LMNB2: variants seen among roughly 807,000 people sequenced by gnomAD.
The protein encoded by LMNB2 is lamin-B2.
A neutral mutation model predicts 69.3 loss-of-function variants in LMNB2; 17 were observed. The ratio of observed to expected loss-of-function variants is 0.25; its 90% CI spans 0.17 to 0.37. The LOEUF is 0.37. LMNB2 is among the 10% of genes least tolerant of loss of function. The pLI, the probability that LMNB2 is intolerant of heterozygous loss-of-function variation, is 1.00. For missense variants in LMNB2, 789 were observed against 883.6 expected, an observed-to-expected ratio of 0.89 and a Z score of 1.36; for synonymous variants, 397 against 389.3, an observed-to-expected ratio of 1.02 and a Z score of -0.23.
At chr19:2,456,566 G>T in intron 1 of LMNB2, 104 bp downstream of exon 1, 1 of 1,183,508 alleles carries the variant, frequency 8.4e-7, no homozygotes, top group Non-Finnish European at 1.1e-6. Context: ...GCCGGGGCCC[G>T]TCCCCGTCTG....
chr19:2,441,451 T>C (rs1971899704), intron 2 of LMNB2, among the ~76,000 whole-genome samples: 1 of 152,170 alleles, frequency 6.6e-6, no homozygotes, highest in Non-Finnish European at 1.5e-5. Flanking sequence ...ATGGAGCAGA[T>C]CTCCAGCAGG....
intron 1 of LMNB2, among the ~76,000 whole-genome samples, chr19:2,448,809 T>C (rs900941799): frequency 3.3e-5 from 5 of 152,132 alleles, no homozygotes; most frequent in African/African-American, 7.2e-5. Flanking sequence ...GATTGGGCCA[T>C]TGCACTCCAG....
rs1018038584 is a variant in LMNB2 at position 2,430,407 on chromosome 19, C to T, written c.*504G>A. 4 of 221,512 alleles carry T rather than the reference C, an allele frequency of 1.8e-5. No homozygotes were observed. The highest frequency in any genetic ancestry group is 2.7e-5 in the Non-Finnish European group (3 of 109,652). The allele number at this position is 221,512 out of a possible 1,614,324, so 13.7% of individuals were successfully genotyped here. A position where few individuals can be genotyped will look rare whatever the true frequency, so the allele number is the denominator to read the frequency against. ...TGGCCCACACCCGCTGCGTGGCTGC[C>T]TGAGGAGTTCCCGCTGTCCGAAGCT... On this transcript the variant is annotated 3_prime_UTR_variant, in exon 12 of 12. Coordinates refer to ENST00000325327, the MANE Select transcript of LMNB2 (RefSeq NM_032737.4).
chr19:2,446,028 TCACC>T, intron 1 of LMNB2, among the ~76,000 whole-genome samples: 1 of 60,026 alleles, frequency 1.7e-5, no homozygotes. Flanking sequence ...CCCCCACCTT[TCACC>T]CCTCAATCAC....
At chr19:2,440,737 CATCT>C (rs1028148438) in intron 2 of LMNB2, among the ~76,000 whole-genome samples, 7 of 151,686 alleles carry the variant, frequency 4.6e-5, no homozygotes, top group Admixed American at 6.6e-5. Flanking sequence ...TCCATCCATC[CATCT>C]ATCCACTCAT....
At chr19:2,452,913 ATGGGTCATCCTCATGGGG>A (rs1972042607) in intron 1 of LMNB2, among the ~76,000 whole-genome samples, 1 of 52,084 alleles carries the variant, frequency 1.9e-5, no homozygotes, top group Non-Finnish European at 4.0e-5. Flanking sequence ...CTCGTGGGGG[ATGGGTCATCCTCATGGGG>A]GCTGCGTCAT....
rs1259438025 is a variant in LMNB2, at chr19:2,432,419, G to T, written c.1587C>A (p.Val529=). The change falls in exon 9 of 12, where the codon GTC becomes GTA. Residue 529 remains valine, a synonymous_variant. Transcript: ENST00000325327. ...PKYILRAGQM[V]TVWAAGAGVA... ...GCCCTCCTGCCCCACCACCTACCGT[G>T]ACCATCTGGCCGGCGCGCAGGATGT... 6.2e-7 allele frequency: 1 copy of T among 1,611,552 alleles called. No individual in the cohort carries two copies. The highest frequency in any genetic ancestry group is 8.5e-7 in the Non-Finnish European group (1 of 1,179,696).
At position 2,430,768 on chromosome 19, in the gene LMNB2, G is replaced by A. The variant is rs1388237040; in HGVS notation, c.*143C>T. 4.1e-6 allele frequency: 3 copies of A among 733,882 alleles called. No homozygotes were observed. The highest frequency in any genetic ancestry group is 2.0e-5 in the Admixed American group (1 of 50,892). The allele number at this position is 733,882 out of a possible 1,614,324, so 45.5% of individuals were successfully genotyped here. On this transcript the variant is annotated 3_prime_UTR_variant, in exon 12 of 12. Transcript: ENST00000325327. ...TGGAGGAGACCCGCCAGGAGGGAGGGCTGGGGGAGACCCACCCACACGTTC... is the reference window on the plus strand; with the variant it reads ...TGGAGGAGACCCGCCAGGAGGGAGGACTGGGGGAGACCCACCCACACGTTC...
chr19:2,440,046 A>G (rs754092810), intron 2 of LMNB2, among the ~76,000 whole-genome samples: 8 of 152,096 alleles, frequency 5.3e-5, no homozygotes, highest in Non-Finnish European at 8.8e-5. Flanking sequence ...AGGGCCTTTC[A>G]AAAGACCACC....
rs1057053392 is a variant in LMNB2 at position 2,456,600 on chromosome 19, A to G, written c.264+70T>C. The G allele has an allele frequency of 3.0e-6, 4 of 1,316,188 alleles. No individual in the cohort carries two copies. The African/African-American group carries it at 6.4e-5, about 21-fold the overall frequency. The allele number at this position is 1,316,188 out of a possible 1,614,324, so 81.5% of individuals were successfully genotyped here. A position where few individuals can be genotyped will look rare whatever the true frequency, so the allele number is the denominator to read the frequency against. On this transcript the variant is annotated intron_variant, in intron 1 of 11. Coordinates refer to ENST00000325327, the MANE Select transcript of LMNB2 (RefSeq NM_032737.4). ...TGCACCCCCGCCCAGGGTCCCCGCG[A>G]TCGCGCGCCCCGCGGTGGGCGGGGC...
Position 2,453,693 on chromosome 19 carries a change from CGGCCCCGAGAGGTGGCTG to C in LMNB2, c.264+2959_264+2976del, listed in dbSNP as rs1255644883. 6.6e-6 allele frequency among the ~76,000 whole-genome samples: 1 copy of C among 152,160 alleles called. No individual in the cohort carries two copies. The highest frequency in any genetic ancestry group is 6.5e-5 in the Admixed American group (1 of 15,270). On this transcript the variant is annotated intron_variant, in intron 1 of 11. Transcript: ENST00000325327. This position sits in a 1 kb window ranked among gnomAD's most constrained non-coding sequence, Gnocchi z 4.4. ...AACTGAGTTGTAAAGGATGCTGCTG[CGGCCCCGAGAGGTGGCTG>C]GGCCAGGCTCCCTCTAGGGCACAGG...
intron 2 of LMNB2, among the ~76,000 whole-genome samples, chr19:2,440,505 T>G (rs1279395029): frequency 1.3e-5 from 2 of 152,188 alleles, no homozygotes; most frequent in Non-Finnish European, 2.9e-5. Flanking sequence ...GATAGCTATA[T>G]CTATCTATTG....
At position 2,435,081 on chromosome 19, in the gene LMNB2, C is replaced by T. The variant is rs1971805357; in HGVS notation, c.775G>A (p.Ala259Thr). ...TGCTGGCTCCGCAGCTCCTCCAGCG[C>T]CTGTGCCATCTTGAAGTCGTACTCC... ...QQEYDFKMAQ[A>T]LEELRSQHDE... is the part of the protein sequence containing the mutation. Residue 259 changes from alanine (A) to threonine (T), a missense_variant, in exon 5 of 12, where the codon GCG (alanine) becomes ACG (threonine). Coordinates refer to ENST00000325327, the MANE Select transcript of LMNB2 (RefSeq NM_032737.4). The T allele has an allele frequency of 1.2e-6, 2 of 1,610,604 alleles. No homozygotes were observed. The highest frequency in any genetic ancestry group is 2.2e-5 in the East Asian group (1 of 44,882).
chr19:2,439,605 AAC>A (rs1394974891), intron 2 of LMNB2, among the ~76,000 whole-genome samples: 1 of 152,150 alleles, frequency 6.6e-6, no homozygotes, highest in Non-Finnish European at 1.5e-5. Context: ...TATCTGGAAT[AAC>A]ACAGCCAAGG....
At position 2,433,989 on chromosome 19, in the gene LMNB2, T is replaced by G. The variant is rs757554798; in HGVS notation, c.1319A>C (p.Glu440Ala). ...GCCGCTGCCCAAGGGCTCCTCCACC[T>G]CCAGCCGCTTCCGCTTACTGCGGCC... ...RLGRSKRKRL[E>A]VEEPLGSGPS... The change falls in exon 8 of 12, where the codon GAG becomes GCG. Residue 440 changes from glutamate (E) to alanine (A), a missense_variant. Transcript: ENST00000325327. The G allele has an allele frequency of 1.2e-6, 2 of 1,609,148 alleles. No homozygotes were observed. Among genetic ancestry groups the G allele is most frequent in the East Asian group, 4.5e-5 (2 of 44,838 alleles).
At position 2,430,358 on chromosome 19, in the gene LMNB2, C is replaced by G. The variant is rs1971723076; in HGVS notation, c.*553G>C. 5.6e-6 allele frequency: 1 copy of G among 177,246 alleles called. No homozygotes were observed. The highest frequency in any genetic ancestry group is 1.2e-5 in the Non-Finnish European group (1 of 82,248). 11.0% of individuals were successfully genotyped at this position (177,246 alleles called of 1,614,324 possible). A position where few individuals can be genotyped will look rare whatever the true frequency, so the allele number is the denominator to read the frequency against. ...CCAGGCAGCGGAGTGAAAACCCGCC[C>G]TGGGGGCCACGCCATCCCCATGCTG... On this transcript the variant is annotated 3_prime_UTR_variant, in exon 12 of 12. Coordinates refer to ENST00000325327, the MANE Select transcript of LMNB2 (RefSeq NM_032737.4).
chr19:2,432,427 G>T lies in LMNB2; in HGVS notation c.1579C>A (p.Gln527Lys). The stretch of plus-strand genomic sequence containing the variant: ...GCCCCACCACCTACCGTGACCATCT[G>T]GCCGGCGCGCAGGATGTACTTGGGC... ...FTPKYILRAG[Q>K]MVTVWAAGAG... is the part of the protein sequence containing the mutation. The change falls in exon 9 of 12, where the codon CAG becomes AAG. Residue 527 changes from glutamine to lysine, a missense_variant. By Grantham distance (53) the Gln-to-Lys change is moderately conservative. This residue lies in a region of LMNB2 where 609 missense variants were observed against 630.9 expected (regional missense o/e 0.97). Coordinates refer to ENST00000325327, the MANE Select transcript of LMNB2 (RefSeq NM_032737.4). The T allele has an allele frequency of 6.2e-7, 1 of 1,611,452 alleles. No homozygotes were observed. Among genetic ancestry groups the T allele is most frequent in the Non-Finnish European group, 8.5e-7 (1 of 1,179,674 alleles).
At chr19:2,450,919 T>C (rs958760721) in intron 1 of LMNB2, among the ~76,000 whole-genome samples, 7 of 149,892 alleles carry the variant, frequency 4.7e-5, no homozygotes, top group Middle Eastern at 3.2e-3. Context: ...TGTGAGCCAC[T>C]GCGCCCAGAC....
chr19:2,435,872 C>T (rs2145450336), intron 4 of LMNB2, among the ~76,000 whole-genome samples: 1 of 152,288 alleles, frequency 6.6e-6, no homozygotes, highest in East Asian at 1.9e-4. Context: ...GAAAGCGGGC[C>T]AGGCGTGGTG....
Sources: gnomAD v4.1 joint callset for allele counts (sites outside exome capture counted in the v4.1 genomes callset) on GRCh38, gnomAD v4.1.1 for gene constraint, gnomAD v4.1.1 regional missense constraint, Gnocchi (gnomAD v3.1) non-coding constraint, MANE v1.5 for transcripts, NCBI Gene and HGNC (gene_info 2026-07-23, HGNC 2026-07-21) for gene names.